The following AFDN variants were observed in gnomAD, a reference collection of about 807,000 sequenced individuals.
AFDN encodes afadin, adherens junction formation factor.
A neutral mutation model predicts 216.6 loss-of-function variants in AFDN; 68 were observed. The ratio of observed to expected loss-of-function variants is 0.31; its 90% CI spans 0.26 to 0.38. AFDN has a LOEUF of 0.38. AFDN is among the 10% of genes least tolerant of loss of function. The pLI is 1.00. For synonymous variants in AFDN, 868 were observed against 853.7 expected, an observed-to-expected ratio of 1.02 and a Z score of -0.29; for missense variants, 2,136 against 2,342.0, an observed-to-expected ratio of 0.91 and a Z score of 1.82.
chr6:167,841,486 A>C (rs1411111659), intron 1 of AFDN, among the ~76,000 whole-genome samples: 1 of 152,176 alleles, frequency 6.6e-6, no homozygotes, highest in Admixed American at 6.5e-5. Flanking sequence ...TAGAAGTCCA[A>C]TACAGGAAAA....
chr6:167,868,233 C>T (rs1784408551), intron 2 of AFDN, among the ~76,000 whole-genome samples: 1 of 152,206 alleles, frequency 6.6e-6, no homozygotes, highest in East Asian at 1.9e-4. Flanking sequence ...TAAAAGGCCC[C>T]TTAGAAAAAC....
Position 167,951,607 on chromosome 6 carries a change from A to G in AFDN, c.4253A>G (p.Lys1418Arg). 1.2e-6 allele frequency: 2 copies of G among 1,614,106 alleles called. No homozygotes were observed. The highest frequency in any genetic ancestry group is 1.7e-6 in the Non-Finnish European group (2 of 1,180,022). Residue 1418 changes from lysine to arginine, a missense_variant, in exon 30 of 34, where the codon AAG becomes AGG. Physicochemically the swap from Lys to Arg is conservative, Grantham distance 26. This residue lies in a region of AFDN where 981 missense variants were observed against 966.0 expected (regional missense o/e 1.02). Coordinates refer to ENST00000683244, the MANE Select transcript of AFDN (RefSeq NM_001386888.1). This position sits in a 1 kb window ranked among gnomAD's most constrained non-coding sequence, Gnocchi z 7.1. ...CAGGTGGCTGCTGCTGAACGGAGAA[A>G]GAGAGAAGAACATCAGCGTTGGTAT... The part of the protein sequence containing the change: ...SAQVAAAERR[K>R]REEHQRWYEK...
rs568461126 is a variant in AFDN at position 167,851,857 on chromosome 6, T to C, written c.106-12694T>C. ...TTATCCATTTTCAGAACCAAAGTTCTTGAGTTTTTGTAGCGCATTTTTAAA... is the reference window on the plus strand; with the variant it reads ...TTATCCATTTTCAGAACCAAAGTTCCTGAGTTTTTGTAGCGCATTTTTAAA... On this transcript the variant is annotated intron_variant, in intron 1 of 33. Coordinates refer to ENST00000683244, the MANE Select transcript of AFDN (RefSeq NM_001386888.1). Among the ~76,000 whole-genome samples the C allele has an allele frequency of 5.9e-5, 9 of 152,354 alleles. No homozygotes were observed. The East Asian group carries it at 1.7e-3, about 29-fold the overall frequency.
rs977412752 is a variant in AFDN, at chr6:167,925,166, G to C, written c.3099+75G>C. On this transcript the variant is annotated intron_variant, in intron 23 of 33. Transcript: ENST00000683244. ...GAATCAGTGGTTGTCAGAGTGGATC[G>C]TGTGGGAGTACTTTACCACCTGTGT... The C allele has an allele frequency of 3.8e-6, 4 of 1,045,502 alleles. No individual in the cohort carries two copies. In the African/African-American group the frequency reaches 6.3e-5, roughly 16 times the overall value. The allele number at this position is 1,045,502 out of a possible 1,614,324, so 64.8% of individuals were successfully genotyped here.
Position 167,943,120 on chromosome 6 carries a change from T to G in AFDN, c.3100-9T>G. On this transcript the variant is annotated splice_polypyrimidine_tract_variant and intron_variant, in intron 23 of 33. Transcript: ENST00000683244. The stretch of plus-strand genomic sequence containing the variant: ...TCAATGCAGTGTTTTCGCCTTGTTT[T>G]TGCAATAGGGTGCTGGTCAAGATAA... 6.2e-7 allele frequency: 1 copy of G among 1,612,674 alleles called. No individual in the cohort carries two copies. The highest frequency in any genetic ancestry group is 1.1e-5 in the South Asian group (1 of 90,752).
At chr6:167,914,593 C>T in intron 17 of AFDN, 51 bp from the exon 18 acceptor site, 1 of 1,305,936 alleles carries the variant, frequency 7.7e-7, no homozygotes, top group South Asian at 1.2e-5. Flanking sequence ...ACATGTCTGA[C>T]AATAGCTGTC....
At chr6:167,827,954 A>T (rs911720128) in intron 1 of AFDN, 2 of 152,202 alleles carry the variant, frequency 1.3e-5, no homozygotes, top group East Asian at 3.9e-4. Context: ...GGTTGTTTAT[A>T]GCAAAGCTGC....
chr6:167,897,303 A>G (rs903309511), intron 10 of AFDN, among the ~76,000 whole-genome samples: 2 of 152,220 alleles, frequency 1.3e-5, no homozygotes, highest in Non-Finnish European at 2.9e-5. Context: ...TTATCACTGG[A>G]GGTCTGACCA....
chr6:167,844,103 A>C (rs988163537), intron 1 of AFDN, among the ~76,000 whole-genome samples: 3 of 152,098 alleles, frequency 2.0e-5, no homozygotes, highest in Non-Finnish European at 4.4e-5. Context: ...AATTCTAGCT[A>C]TCCAGACATA....
At chr6:167,937,594 T>TATA (rs11411132) in intron 23 of AFDN, among the ~76,000 whole-genome samples, 1 of 152,258 alleles carries the variant, frequency 6.6e-6, no homozygotes, top group East Asian at 1.9e-4. Flanking sequence ...GACAAACAGA[T>TATA]TTTATAAATT....
intron 1 of AFDN, among the ~76,000 whole-genome samples, chr6:167,856,718 G>GT (rs764658437): frequency 6.1e-4 from 93 of 152,166 alleles, no homozygotes; most frequent in Non-Finnish European, 1.2e-3. Flanking sequence ...AGTTGGTACT[G>GT]TTATCTCCAT....
In AFDN at chr6:167,971,494, AAG is replaced by A; in HGVS notation, c.*1564_*1565del. On this transcript the variant is annotated 3_prime_UTR_variant, in exon 34 of 34. Transcript: ENST00000683244. The stretch of plus-strand genomic sequence containing the variant: ...GCTCTTACCATTTCCTTGTTTGAGT[AAG>A]AGAGTGAATGGTTCTGAGTGTTTAG... 1 of 194,752 alleles carries A rather than the reference AAG, an allele frequency of 5.1e-6. No individual in the cohort carries two copies. The highest frequency in any genetic ancestry group is 8.2e-5 in the East Asian group (1 of 12,254). 12.1% of individuals were successfully genotyped at this position (194,752 alleles called of 1,614,324 possible).
chr6:167,947,872 A>T lies in AFDN; in HGVS notation c.3573A>T (p.Gly1191=), dbSNP rs146177736. The T allele has an allele frequency of 1.0e-4, 165 of 1,613,216 alleles. No individual in the cohort carries two copies. The highest frequency in any genetic ancestry group is 1.3e-4 in the Non-Finnish European group (158 of 1,179,494). The stretch of plus-strand genomic sequence containing the variant: ...GAGCAGATCAGCCTCCTAGTCCTGG[A>T]GGGAAAAGTGCATATGCCTCTGGAA... ...PNVANQPPSP[G]GKSAYASGTT... The change falls in exon 28 of 34, where the codon GGA becomes GGT. Residue 1191 remains glycine, a synonymous_variant. Coordinates refer to ENST00000683244, the MANE Select transcript of AFDN (RefSeq NM_001386888.1).
intron 6 of AFDN, among the ~76,000 whole-genome samples, chr6:167,885,940 A>C (rs1402178823): frequency 6.6e-6 from 1 of 152,268 alleles, no homozygotes; most frequent in Non-Finnish European, 1.5e-5. Flanking sequence ...TTAAATGCCT[A>C]GAAAAGATAC....
intron 1 of AFDN, among the ~76,000 whole-genome samples, chr6:167,844,177 AGT>A (rs71004173): frequency 0.29 from 40,799 of 141,336 alleles, 6,193 homozygotes; most frequent in East Asian, 0.43. Flanking sequence ...TCAAAAATGA[AGT>A]GTGTGTGTGT....
chr6:167,913,868 C>T (rs1029330133), intron 16 of AFDN: 9 of 450,198 alleles, frequency 2.0e-5, no homozygotes, highest in African/African-American at 1.4e-4. Context: ...GCACGGTCTA[C>T]AATTTGGTGT....
intron 6 of AFDN, among the ~76,000 whole-genome samples, chr6:167,886,777 G>C (rs181978877): frequency 1.3e-5 from 2 of 152,190 alleles, no homozygotes; most frequent in Admixed American, 6.5e-5. Flanking sequence ...ACAGACGCCT[G>C]ATGCTTTCTG....
Position 167,946,739 on chromosome 6 carries a change from C to T in AFDN, c.3391C>T (p.Pro1131Ser). ...SDRRGSGKPR[P>S]KSEGFELYNN... ...TCGTCGTGGCTCAGGTAAACCCCGA[C>T]CAAAGAGTGAAGGCTTTGAGCTCTA... The change falls in exon 27 of 34, where the codon CCA (proline) becomes TCA (serine). Residue 1131 changes from proline to serine, a missense_variant. Physicochemically the swap from Pro to Ser is moderately conservative, Grantham distance 74. Coordinates refer to ENST00000683244, the MANE Select transcript of AFDN (RefSeq NM_001386888.1). The T allele has an allele frequency of 6.2e-7, 1 of 1,614,034 alleles. No individual in the cohort carries two copies. Among genetic ancestry groups the T allele is most frequent in the East Asian group, 2.2e-5 (1 of 44,864 alleles).
At chr6:167,913,748 C>T in intron 16 of AFDN, 1 of 445,392 alleles carries the variant, frequency 2.2e-6, no homozygotes, top group Non-Finnish European at 4.0e-6. Flanking sequence ...TGTGATAGAT[C>T]AGTACTTGAT....
Sources: gnomAD v4.1 joint callset for allele counts (sites outside exome capture counted in the v4.1 genomes callset) on GRCh38, gnomAD v4.1.1 for gene constraint, gnomAD v4.1.1 regional missense constraint, Gnocchi (gnomAD v3.1) non-coding constraint, MANE v1.5 for transcripts, NCBI Gene and HGNC (gene_info 2026-07-23, HGNC 2026-07-21) for gene names.